The following VPS13B variants were observed in gnomAD, a reference collection of about 807,000 sequenced individuals.
The protein encoded by VPS13B is intermembrane lipid transfer protein VPS13B.
In VPS13B, 285 loss-of-function variants were observed where a neutral mutation model predicts 426.4. That is an observed-to-expected ratio of 0.67 (90% confidence interval 0.61 to 0.74). VPS13B has a LOEUF of 0.74. Among genes scored for constraint, VPS13B ranks in the 30% least tolerant of loss-of-function variants. The pLI, the probability that VPS13B is intolerant of heterozygous loss-of-function variation, is 0.00. For missense variants in VPS13B, 4,537 were observed against 4,782.6 expected, an observed-to-expected ratio of 0.95 and a Z score of 1.51; for synonymous variants, 1,676 against 1,676.4, an observed-to-expected ratio of 1.00 and a Z score of 0.01.
intron 3 of VPS13B, among the ~76,000 whole-genome samples, chr8:99,065,271 C>T (rs1844422707): frequency 6.6e-6 from 1 of 152,188 alleles, no homozygotes; most frequent in Admixed American, 6.5e-5. Flanking sequence ...CAGTAAAATA[C>T]TGGCAAACCA....
At chr8:99,682,151 T>C (rs1255141034) in intron 35 of VPS13B, among the ~76,000 whole-genome samples, 1 of 152,212 alleles carries the variant, frequency 6.6e-6, no homozygotes, top group Non-Finnish European at 1.5e-5. Flanking sequence ...AGATCCAAGA[T>C]TGCTTCAGAT....
chr8:99,351,418 AAGAGAG>A (rs141684691), intron 19 of VPS13B, among the ~76,000 whole-genome samples: 7 of 147,464 alleles, frequency 4.7e-5, no homozygotes, highest in African/African-American at 1.5e-4. Context: ...CTCCTTCCTC[AAGAGAG>A]AGAGAGAGAG....
At chr8:99,260,802 A>G (rs997353110) in intron 17 of VPS13B, among the ~76,000 whole-genome samples, 7 of 152,140 alleles carry the variant, frequency 4.6e-5, no homozygotes, top group Admixed American at 2.0e-4. Context: ...TCCCCTTCCA[A>G]ATAAAAATAC....
rs754632431 is a variant in VPS13B, at chr8:99,778,875, T to A, written c.7623T>A (p.Ser2541Arg). Residue 2541 changes from serine (S) to arginine (R), a missense_variant, in exon 42 of 62, where the codon AGT (serine) becomes AGA (arginine). Ser to Arg is a moderately radical substitution (Grantham distance 110, BLOSUM62 -1). This residue lies in a region of VPS13B where 4,311 missense variants were observed against 4,474.3 expected (regional missense o/e 0.96). Transcript: ENST00000357162. ...AGTGCAGAAATGTCACTATGCAAAG[T>A]GTGGTGAAACCCTTCAGCATCTTCG... The part of the protein sequence containing the change: ...LLECRNVTMQ[S>R]VVKPFSIFGQ... The A allele has an allele frequency of 7.4e-6, 12 of 1,613,914 alleles. No individual in the cohort carries two copies. The African/African-American group carries it at 1.6e-4, about 22-fold the overall frequency.
In VPS13B at chr8:99,501,743, A is replaced by G. The variant is rs1203534928; in HGVS notation, c.3927A>G (p.Glu1309=). 2 of 1,614,036 alleles carry G rather than the reference A, an allele frequency of 1.2e-6. No homozygotes were observed. Among genetic ancestry groups the G allele is most frequent in the African/African-American group, 2.7e-5 (2 of 74,918 alleles). ...ESPFSDSVTL[E]QTTSNIGGTS... ...CATTCTCAGATTCTGTGACCTTGGA[A>G]CAAACTACAAGTAATATTGGAGGAA... Residue 1309 remains glutamate (E), a synonymous_variant, in exon 26 of 62, where the codon GAA becomes GAG. Transcript: ENST00000357162.
intron 17 of VPS13B, among the ~76,000 whole-genome samples, chr8:99,205,099 C>G (rs1054629844): frequency 2.6e-5 from 4 of 152,156 alleles, no homozygotes; most frequent in Non-Finnish European, 4.4e-5. Flanking sequence ...GACTTGGAAC[C>G]AACCCAAATG....
At chr8:99,610,005 T>A (rs1039092118) in intron 33 of VPS13B, among the ~76,000 whole-genome samples, 2 of 152,230 alleles carry the variant, frequency 1.3e-5, no homozygotes, top group Non-Finnish European at 2.9e-5. Flanking sequence ...CTGTGGACCA[T>A]GCTTTCACAA....
At chr8:99,584,375 C>A (rs562470676) in intron 33 of VPS13B, among the ~76,000 whole-genome samples, 2 of 152,234 alleles carry the variant, frequency 1.3e-5, no homozygotes, top group Admixed American at 6.5e-5. Flanking sequence ...AAATTTTCAG[C>A]CCCCATGATG....
At chr8:99,506,892 C>T (rs748039839) in intron 27 of VPS13B, among the ~76,000 whole-genome samples, 13 of 152,138 alleles carry the variant, frequency 8.5e-5, no homozygotes, top group African/African-American at 1.9e-4. Flanking sequence ...TTACTCTTAT[C>T]GAGGAGATGG....
At chr8:99,499,015 C>A (rs991931169) in intron 25 of VPS13B, among the ~76,000 whole-genome samples, 3 of 152,070 alleles carry the variant, frequency 2.0e-5, no homozygotes, top group Non-Finnish European at 2.9e-5. Flanking sequence ...AGCTCTGAAG[C>A]AGGCCAAGGA....
chr8:99,194,827 A>T (rs766904217), intron 17 of VPS13B, among the ~76,000 whole-genome samples: 6 of 152,006 alleles, frequency 3.9e-5, no homozygotes, highest in Non-Finnish European at 8.8e-5. Context: ...ACCGTTTTCC[A>T]TAATGGTTGT....
intron 60 of VPS13B, chr8:99,871,158 C>T (rs1817388867): frequency 1.7e-6 from 1 of 597,398 alleles, no homozygotes. Context: ...TGCTAGAGGG[C>T]CTGAGATTCC....
chr8:99,846,775 G>A (rs754911828), intron 54 of VPS13B, among the ~76,000 whole-genome samples: 75 of 152,150 alleles, frequency 4.9e-4, no homozygotes, highest in Non-Finnish European at 8.2e-4. Context: ...CTTACCTTAG[G>A]TTTATTATCT....
At chr8:99,689,084 G>A (rs1831538641) in intron 35 of VPS13B, among the ~76,000 whole-genome samples, 1 of 152,026 alleles carries the variant, frequency 6.6e-6, no homozygotes, top group African/African-American at 2.4e-5. Flanking sequence ...TTCCGGTAAA[G>A]AATAATGAGA....
At chr8:99,591,785 T>A (rs531186432) in intron 33 of VPS13B, among the ~76,000 whole-genome samples, 8 of 152,260 alleles carry the variant, frequency 5.3e-5, no homozygotes, top group Non-Finnish European at 1.0e-4. Flanking sequence ...GCCCTCAGCA[T>A]TTTTTCCTTC....
At position 99,351,433 on chromosome 8, in the gene VPS13B, A is replaced by AGTGTGTGTGT. The variant is rs1170377671; in HGVS notation, c.2825-32774_2825-32773insTGTGTGTGTG. ...CTCCTTCCTCAAGAGAGAGAGAGAGAGAGTGTGTGTGTGTGTGTGTGTGTG... is the reference window on the plus strand; with the variant it reads ...CTCCTTCCTCAAGAGAGAGAGAGAGAGTGTGTGTGTGAGTGTGTGTGTGTGTGTGTGTGTG... On this transcript the variant is annotated intron_variant, in intron 19 of 61. Transcript: ENST00000357162. Among the ~76,000 whole-genome samples the AGTGTGTGTGT allele has an allele frequency of 2.9e-3, 422 of 143,962 alleles. 1 individual carries two copies. Among genetic ancestry groups the AGTGTGTGTGT allele is most frequent in the African/African-American group, 0.011 (407 of 38,740 alleles). The allele number at this position is 143,962 out of a possible 152,430, so 94.4% of individuals were successfully genotyped here.
chr8:99,833,363 T>C (rs988481644), intron 52 of VPS13B, among the ~76,000 whole-genome samples: 2 of 152,240 alleles, frequency 1.3e-5, no homozygotes, highest in East Asian at 3.8e-4. Flanking sequence ...AAAGAAAACA[T>C]ATTGTGCCCT....
intron 17 of VPS13B, among the ~76,000 whole-genome samples, chr8:99,271,244 A>G (rs200082609): frequency 1.5e-5 from 2 of 132,248 alleles, no homozygotes; most frequent in African/African-American, 2.7e-5. Flanking sequence ...TACTACTACT[A>G]CTACGATGAT....
chr8:99,045,169 AG>A (rs1234310216), intron 3 of VPS13B, among the ~76,000 whole-genome samples: 3 of 152,206 alleles, frequency 2.0e-5, no homozygotes, highest in African/African-American at 7.2e-5. Context: ...CATTCCCACC[AG>A]CAGTGTAGAA....
Sources: gnomAD v4.1 joint callset for allele counts (sites outside exome capture counted in the v4.1 genomes callset) on GRCh38, gnomAD v4.1.1 for gene constraint, gnomAD v4.1.1 regional missense constraint, MANE v1.5 for transcripts, NCBI Gene and HGNC (gene_info 2026-07-23, HGNC 2026-07-21) for gene names.